PTPRT: variants seen among roughly 807,000 people sequenced by gnomAD.
The protein encoded by PTPRT is receptor-type tyrosine-protein phosphatase T.
A neutral mutation model predicts 176.8 loss-of-function variants in PTPRT; 56 were observed. The observed-to-expected ratio is 0.32, with a 90% confidence interval of 0.26 to 0.40. The LOEUF (loss-of-function observed/expected upper bound fraction) is 0.40, where lower values mean the gene tolerates loss of function less well. PTPRT is among the 10% of genes least tolerant of loss of function. The pLI is 1.00. For synonymous variants in PTPRT, 783 were observed against 739.0 expected (o/e 1.06, Z -0.96); for missense variants, 1,540 against 1,908.2 (o/e 0.81, Z 3.60).
chr20:42,667,891 C>T (rs1021086038), intron 7 of PTPRT, among the ~76,000 whole-genome samples: 1 of 152,258 alleles, frequency 6.6e-6, no homozygotes, highest in East Asian at 1.9e-4. Flanking sequence ...AGTGCAGGGT[C>T]TATGTGACTT....
intron 29 of PTPRT, among the ~76,000 whole-genome samples, chr20:42,083,924 A>G (rs1461997928): frequency 1.3e-5 from 2 of 152,220 alleles, no homozygotes; most frequent in African/African-American, 2.4e-5. Flanking sequence ...CTCCCAGGAT[A>G]GATTCTGTGA....
intron 2 of PTPRT, among the ~76,000 whole-genome samples, chr20:42,875,480 A>G (rs1209606846): frequency 6.6e-6 from 1 of 152,198 alleles, no homozygotes; most frequent in Non-Finnish European, 1.5e-5. Flanking sequence ...ACCATCTTAT[A>G]ATATGAGATG....
chr20:42,632,987 A>C (rs942881842), intron 7 of PTPRT, among the ~76,000 whole-genome samples: 3 of 152,194 alleles, frequency 2.0e-5, no homozygotes, highest in Non-Finnish European at 1.5e-5. Context: ...AGAAGTTAGG[A>C]AGTACCCAGC....
intron 6 of PTPRT, among the ~76,000 whole-genome samples, chr20:42,716,369 A>G (rs2076222982): frequency 6.6e-6 from 1 of 152,220 alleles, no homozygotes; most frequent in African/African-American, 2.4e-5. Flanking sequence ...TCCCACCAAC[A>G]GTATAAAAGT....
At chr20:42,256,119 C>G (rs2056633941) in intron 13 of PTPRT, among the ~76,000 whole-genome samples, 1 of 152,264 alleles carries the variant, frequency 6.6e-6, no homozygotes, top group African/African-American at 2.4e-5. Context: ...TTAAGCATTA[C>G]AGGCATCTCT....
At chr20:42,119,034 A>AC (rs1435707794) in intron 20 of PTPRT, among the ~76,000 whole-genome samples, 2 of 150,650 alleles carry the variant, frequency 1.3e-5, no homozygotes, top group Admixed American at 1.3e-4. Flanking sequence ...AAAAAAAAAA[A>AC]AAAAAAAGAC....
At chr20:43,062,088 G>A (rs149897461) in intron 1 of PTPRT, among the ~76,000 whole-genome samples, 9 of 152,196 alleles carry the variant, frequency 5.9e-5, no homozygotes, top group Non-Finnish European at 1.3e-4. Context: ...CTGGGGCTTA[G>A]GGTGGAAGGA....
At chr20:42,454,552 C>T (rs893531003) in intron 8 of PTPRT, among the ~76,000 whole-genome samples, 5 of 152,122 alleles carry the variant, frequency 3.3e-5, no homozygotes, top group African/African-American at 1.2e-4. Flanking sequence ...TAAAACAATA[C>T]TTCATTAAGG....
intron 6 of PTPRT, among the ~76,000 whole-genome samples, chr20:42,733,913 A>G (rs915157732): frequency 6.6e-6 from 1 of 152,132 alleles, no homozygotes; most frequent in African/African-American, 2.4e-5. Flanking sequence ...TGGGCAGGAA[A>G]AGGCCTTGGT....
chr20:42,292,760 T>C (rs1051306421), intron 12 of PTPRT, among the ~76,000 whole-genome samples: 1 of 152,196 alleles, frequency 6.6e-6, no homozygotes, highest in African/African-American at 2.4e-5. Context: ...TACAAAATTC[T>C]GTTTGACTTG....
intron 15 of PTPRT, among the ~76,000 whole-genome samples, chr20:42,206,975 T>TCCCTGACC (rs2055486691): frequency 6.6e-6 from 1 of 152,114 alleles, no homozygotes; most frequent in Admixed American, 6.5e-5. Flanking sequence ...CTCAAGTGGG[T>TCCCTGACC]CCCTGACCCC....
At chr20:42,639,081 G>T in intron 7 of PTPRT, among the ~76,000 whole-genome samples, 1 of 151,474 alleles carries the variant, frequency 6.6e-6, no homozygotes, top group East Asian at 2.0e-4. Context: ...TCCAATAGAA[G>T]GACAAGTTGA....
At chr20:42,733,901 T>C (rs964897414) in intron 6 of PTPRT, among the ~76,000 whole-genome samples, 1 of 152,102 alleles carries the variant, frequency 6.6e-6, no homozygotes, top group Non-Finnish European at 1.5e-5. Context: ...GCTCTGGCAA[T>C]GTGGGCAGGA....
At chr20:42,714,340 G>C (rs1801452320) in intron 6 of PTPRT, among the ~76,000 whole-genome samples, 1 of 152,168 alleles carries the variant, frequency 6.6e-6, no homozygotes, top group South Asian at 2.1e-4. Flanking sequence ...GAACCAATGA[G>C]TGTCCAGATG....
At chr20:43,038,767 T>C (rs1986486450) in intron 1 of PTPRT, among the ~76,000 whole-genome samples, 1 of 152,194 alleles carries the variant, frequency 6.6e-6, no homozygotes, top group East Asian at 1.9e-4. Context: ...ATATAAAATA[T>C]GTGCCTAAAA....
At chr20:42,336,110 TATA>T (rs1177887898) in intron 11 of PTPRT, among the ~76,000 whole-genome samples, 2 of 152,146 alleles carry the variant, frequency 1.3e-5, no homozygotes, top group African/African-American at 4.8e-5. Context: ...TATGTAATAA[TATA>T]ATACTTACAT....
chr20:42,535,310 TG>T (rs1307909989), intron 7 of PTPRT, among the ~76,000 whole-genome samples: 1 of 152,036 alleles, frequency 6.6e-6, no homozygotes, highest in Non-Finnish European at 1.5e-5. Context: ...CAGCAGACAC[TG>T]GGGAGTACTT....
At chr20:42,692,420 T>A (rs114836443) in intron 6 of PTPRT, among the ~76,000 whole-genome samples, 1 of 152,338 alleles carries the variant, frequency 6.6e-6, no homozygotes, top group African/African-American at 2.4e-5. Context: ...TAACTCATCA[T>A]ATTAACAAAC....
At chr20:42,711,767 T>A (rs1397202189) in intron 6 of PTPRT, among the ~76,000 whole-genome samples, 1 of 151,642 alleles carries the variant, frequency 6.6e-6, no homozygotes, top group Non-Finnish European at 1.5e-5. Context: ...CTCGGACTTA[T>A]GGGGCTGTTT....
Sources: allele counts gnomAD v4.1 joint callset (sites outside exome capture counted in the v4.1 genomes callset), GRCh38; gene constraint gnomAD v4.1.1; transcripts MANE v1.5; gene names NCBI Gene and HGNC (gene_info 2026-07-23, HGNC 2026-07-21).